The following GRM5 variants were observed in gnomAD, a reference collection of about 807,000 sequenced individuals.
GRM5 encodes the protein metabotropic glutamate receptor 5.
In GRM5, 19 loss-of-function variants were observed where a neutral mutation model predicts 83.1. The observed-to-expected ratio is 0.23, with a 90% CI of 0.16 to 0.34. The LOEUF is 0.34. Among genes scored for constraint, GRM5 ranks in the 10% least tolerant of loss-of-function variants. The probability of loss-of-function intolerance (pLI) is 1.00; values close to 1 mark genes in which losing one functional copy is unlikely to be tolerated. For missense variants in GRM5, 1,160 were observed against 1,588.3 expected (o/e 0.73, Z 4.58); for synonymous variants, 675 against 633.6 (o/e 1.07, Z -0.98).
At chr11:88,905,626 G>A (rs1171054210) in intron 2 of GRM5, among the ~76,000 whole-genome samples, 1 of 152,130 alleles carries the variant, frequency 6.6e-6, no homozygotes, top group Non-Finnish European at 1.5e-5. Context: ...ACATGCATGA[G>A]CCACCATGCC....
intron 8 of GRM5, among the ~76,000 whole-genome samples, chr11:88,563,871 G>T (rs1021571654): frequency 6.6e-6 from 1 of 152,132 alleles, no homozygotes; most frequent in Admixed American, 6.6e-5. Context: ...TGCATAACCA[G>T]CTATATCCTA....
At chr11:88,621,657 T>C (rs528780389) in intron 4 of GRM5, among the ~76,000 whole-genome samples, 1 of 152,220 alleles carries the variant, frequency 6.6e-6, no homozygotes, top group Non-Finnish European at 1.5e-5. Context: ...TGAGAATTAC[T>C]GTGCTTATTT....
At chr11:88,557,260 G>A (rs1942651483) in intron 8 of GRM5, among the ~76,000 whole-genome samples, 1 of 152,128 alleles carries the variant, frequency 6.6e-6, no homozygotes, top group South Asian at 2.1e-4. Context: ...ACAGATAAAA[G>A]TACTTAGCAC....
intron 2 of GRM5, among the ~76,000 whole-genome samples, chr11:88,947,397 T>C (rs1053798121): frequency 2.0e-5 from 3 of 152,174 alleles, no homozygotes; most frequent in Non-Finnish European, 4.4e-5. Flanking sequence ...TAGGGATAAA[T>C]GCAAAATCCT....
At position 88,600,258 on chromosome 11, in the gene GRM5, C is replaced by T. The variant is rs11020614; in HGVS notation, c.1395-2906G>A. Among the ~76,000 whole-genome samples, 92 of 149,218 alleles carry T rather than the reference C, an allele frequency of 6.2e-4. 2 individuals are homozygous for T. In the East Asian group the frequency reaches 0.017, roughly 28 times the overall value. Reference sequence around the variant, plus strand: ...CTCCTCCTTCCTCCTCCTCCTCTTCCTCCTTCTTCCTCCTGCTCCTTCTCC... The same window carrying T: ...CTCCTCCTTCCTCCTCCTCCTCTTCTTCCTTCTTCCTCCTGCTCCTTCTCC... On this transcript the variant is annotated intron_variant, in intron 5 of 9. Transcript: ENST00000305447.
At chr11:88,515,762 C>T (rs555217996) in intron 9 of GRM5, among the ~76,000 whole-genome samples, 5 of 152,288 alleles carry the variant, frequency 3.3e-5, no homozygotes, top group Admixed American at 6.5e-5. Flanking sequence ...TACTATAAAG[C>T]TCAATTATAA....
At chr11:89,022,262 A>G (rs753463415) in intron 2 of GRM5, among the ~76,000 whole-genome samples, 2 of 152,180 alleles carry the variant, frequency 1.3e-5, no homozygotes, top group Admixed American at 6.5e-5. Flanking sequence ...TTTTGATATT[A>G]TAGAACTTTT....
intron 1 of GRM5, among the ~76,000 whole-genome samples, chr11:89,049,522 G>C (rs1430560097): frequency 6.6e-6 from 1 of 152,078 alleles, no homozygotes; most frequent in East Asian, 1.9e-4. Context: ...ACTTTTACAA[G>C]AATACTAATG....
chr11:88,989,761 A>G (rs914112586), intron 2 of GRM5, among the ~76,000 whole-genome samples: 3 of 146,806 alleles, frequency 2.0e-5, no homozygotes, highest in African/African-American at 5.1e-5. Flanking sequence ...CTGAATGACT[A>G]CTGGGTACAT....
chr11:88,936,359 A>G (rs913644153), intron 2 of GRM5, among the ~76,000 whole-genome samples: 3 of 151,898 alleles, frequency 2.0e-5, no homozygotes, highest in Admixed American at 1.3e-4. Context: ...AGCCTAAGTG[A>G]AAACTTAACA....
intron 3 of GRM5, among the ~76,000 whole-genome samples, chr11:88,771,104 A>AT (rs1323925838): frequency 6.6e-6 from 1 of 152,148 alleles, no homozygotes; most frequent in African/African-American, 2.4e-5. Flanking sequence ...ACAAGGAAAT[A>AT]TTTTTAGAGA....
At chr11:88,869,637 ATGTTACCTAAAC>A (rs1416426845) in intron 2 of GRM5, among the ~76,000 whole-genome samples, 1 of 151,558 alleles carries the variant, frequency 6.6e-6, no homozygotes. Flanking sequence ...AAGGACTGAG[ATGTTACCTAAAC>A]TGCTCATCGG....
At chr11:88,935,059 A>G (rs1937847843) in intron 2 of GRM5, among the ~76,000 whole-genome samples, 2 of 152,082 alleles carry the variant, frequency 1.3e-5, no homozygotes, top group African/African-American at 4.8e-5. Context: ...CATGAACACT[A>G]TAAATCTGCT....
At chr11:88,925,631 G>A (rs1243439121) in intron 2 of GRM5, 7 of 388,920 alleles carry the variant, frequency 1.8e-5, no homozygotes, top group South Asian at 5.6e-5. Context: ...GGCACTGGCC[G>A]GGTGCTGGGG....
chr11:88,994,938 T>C (rs1940129843), intron 2 of GRM5, among the ~76,000 whole-genome samples: 1 of 152,176 alleles, frequency 6.6e-6, no homozygotes, highest in Admixed American at 6.5e-5. Context: ...CTTTCATTCC[T>C]TCCCATAACC....
chr11:88,656,100 GCTTT>G (rs1939761936), intron 3 of GRM5, among the ~76,000 whole-genome samples: 2 of 151,610 alleles, frequency 1.3e-5, no homozygotes, highest in South Asian at 4.2e-4. Context: ...GCCACCTAAT[GCTTT>G]CTATTACTTT....
At chr11:88,613,194 T>C (rs1938376293) in intron 4 of GRM5, among the ~76,000 whole-genome samples, 1 of 152,190 alleles carries the variant, frequency 6.6e-6, no homozygotes, top group South Asian at 2.1e-4. Flanking sequence ...TGGATTGTTC[T>C]GTAGATGTGT....
intron 2 of GRM5, among the ~76,000 whole-genome samples, chr11:88,940,582 CAT>C (rs1938058749): frequency 6.6e-6 from 1 of 150,922 alleles, no homozygotes; most frequent in South Asian, 2.1e-4. Context: ...AAAATAGTAA[CAT>C]ATGGAAAATT....
chr11:88,844,296 G>A (rs1944258551), intron 3 of GRM5, among the ~76,000 whole-genome samples: 1 of 151,922 alleles, frequency 6.6e-6, no homozygotes, highest in Non-Finnish European at 1.5e-5. Flanking sequence ...AAGCCTGGGT[G>A]ACAACACATC....
Sources: allele counts gnomAD v4.1 joint callset (sites outside exome capture counted in the v4.1 genomes callset), GRCh38; gene constraint gnomAD v4.1.1; transcripts MANE v1.5; gene names NCBI Gene and HGNC (gene_info 2026-07-23, HGNC 2026-07-21).